The following AP5M1 variants were observed in gnomAD, a reference collection of about 807,000 sequenced individuals.
AP5M1 encodes the protein AP-5 complex subunit mu-1.
Under a neutral mutation model 52.3 loss-of-function variants are expected in AP5M1, and 44 were observed. The observed-to-expected ratio is 0.84, with a 90% CI of 0.66 to 1.08. The LOEUF (loss-of-function observed/expected upper bound fraction) is 1.08, where lower values mean the gene tolerates loss of function less well. Ranked by LOEUF, AP5M1 falls within the 50% of genes least tolerant of loss-of-function variation. The probability of loss-of-function intolerance (pLI) is 0.00; values close to 1 mark genes in which losing one functional copy is unlikely to be tolerated. For missense variants in AP5M1, 526 were observed against 568.4 expected (o/e 0.93, Z 0.76); for synonymous variants, 213 against 199.0 (o/e 1.07, Z -0.59).
At chr14:57,270,055 G>T (rs1338048521) in intron 1 of AP5M1, among the ~76,000 whole-genome samples, 1 of 152,124 alleles carries the variant, frequency 6.6e-6, no homozygotes, top group African/African-American at 2.4e-5. Flanking sequence ...TGATCCGCCC[G>T]CCTTGGCTCT....
At chr14:57,272,384 T>C (rs1884915916) in intron 1 of AP5M1, among the ~76,000 whole-genome samples, 1 of 152,242 alleles carries the variant, frequency 6.6e-6, no homozygotes, top group Non-Finnish European at 1.5e-5. Flanking sequence ...ATCTAAGTAC[T>C]TATTTCCTAT....
intron 6 of AP5M1, among the ~76,000 whole-genome samples, chr14:57,283,799 A>C (rs1294504765): frequency 6.6e-6 from 1 of 152,162 alleles, no homozygotes; most frequent in Non-Finnish European, 1.5e-5. Flanking sequence ...CAGCCTGGCC[A>C]ACATGGTGAG....
At chr14:57,279,362 A>T (rs1885117691) in intron 2 of AP5M1, among the ~76,000 whole-genome samples, 1 of 152,236 alleles carries the variant, frequency 6.6e-6, no homozygotes, top group Admixed American at 6.5e-5. Context: ...AAAAGGAATG[A>T]GATCATGTCC....
At chr14:57,272,638 T>C (rs1490238077) in intron 1 of AP5M1, among the ~76,000 whole-genome samples, 2 of 152,196 alleles carry the variant, frequency 1.3e-5, no homozygotes, top group Non-Finnish European at 2.9e-5. Flanking sequence ...TCACAGTCAA[T>C]TGTGAAATTT....
At chr14:57,273,755 G>C (rs747672578) in intron 1 of AP5M1, 1 of 701,754 alleles carries the variant, frequency 1.4e-6, no homozygotes, top group South Asian at 1.5e-5. Flanking sequence ...TATAAGTTAA[G>C]TAGAATAGAA....
chr14:57,274,452 C>T lies in AP5M1; in HGVS notation c.283C>T (p.Pro95Ser), dbSNP rs778513707. Residue 95 changes from proline (P) to serine (S), a missense_variant, in exon 2 of 8, where the codon CCA becomes TCA. This residue lies in a region of AP5M1 where 425 missense variants were observed against 430.6 expected (regional missense o/e 0.99). Transcript: ENST00000261558. ...GLLIGGEELW[P>S]VVAFLKNDMI... is the part of the protein sequence containing the mutation. ...CCTGATAGGAGGTGAAGAACTCTGG[C>T]CAGTTGTTGCTTTTCTGAAGAATGA... 1 of 1,614,122 alleles carries T rather than the reference C, an allele frequency of 6.2e-7. No homozygotes were observed. Among genetic ancestry groups the T allele is most frequent in the South Asian group, 1.1e-5 (1 of 91,068 alleles).
At position 57,274,405 on chromosome 14, in the gene AP5M1, A is replaced by G. The variant is rs759386854; in HGVS notation, c.236A>G (p.Asn79Ser). ...AGTCGTGATAGCTGTTCACGCATCA[A>G]TAAAACATCCATTTATGGACTCCTG... Reference protein sequence around the residue: ...VESRDSCSRINKTSIYGLLIG... With the variant: ...VESRDSCSRISKTSIYGLLIG... Residue 79 changes from asparagine to serine, a missense_variant, in exon 2 of 8, where the codon AAT (asparagine) becomes AGT (serine). Transcript: ENST00000261558. 9 of 1,614,222 alleles carry G rather than the reference A, an allele frequency of 5.6e-6. No homozygotes were observed. The highest frequency in any genetic ancestry group is 1.6e-4 in the Middle Eastern group (1 of 6,062).
chr14:57,269,714 T>C (rs1220601619), intron 1 of AP5M1, among the ~76,000 whole-genome samples: 1 of 152,252 alleles, frequency 6.6e-6, no homozygotes, highest in Non-Finnish European at 1.5e-5. Context: ...ACTAAACATT[T>C]TCAGATTTTT....
intron 2 of AP5M1, 98 bp downstream of exon 2, chr14:57,274,987 A>G (rs1019435797): frequency 7.1e-7 from 1 of 1,407,570 alleles, no homozygotes; most frequent in African/African-American, 1.4e-5. Context: ...TTTTATTTTC[A>G]TCTTAAGCAG....
intron 4 of AP5M1, among the ~76,000 whole-genome samples, chr14:57,282,434 A>G (rs1233669508): frequency 6.6e-6 from 1 of 152,154 alleles, no homozygotes; most frequent in Non-Finnish European, 1.5e-5. Context: ...TAAACTTACT[A>G]GTAAATTATA....
rs766342082 is a variant in AP5M1, at chr14:57,282,199, C to A, written c.1059C>A (p.Phe353Leu). 8.9e-6 allele frequency: 14 copies of A among 1,570,116 alleles called. No individual in the cohort carries two copies. The East Asian group carries it at 3.0e-4, about 34-fold the overall frequency. Reference sequence around the variant, plus strand: ...AAAGTGTGAAAAATAATTTTGAATTCTGTGAAGCCCATATACCTTTTTACA... The same window carrying A: ...AAAGTGTGAAAAATAATTTTGAATTATGTGAAGCCCATATACCTTTTTACA... The part of the protein sequence containing the change: ...LHESVKNNFE[F>L]CEAHIPFYNR... The change falls in exon 4 of 8, where the codon TTC (phenylalanine) becomes TTA (leucine). Residue 353 changes from phenylalanine (F) to leucine (L), a missense_variant. Around this residue, in one of 3 missense-constraint regions of AP5M1, gnomAD observed 425 missense variants for 430.6 expected, o/e 0.99. Transcript: ENST00000261558.
At position 57,274,328 on chromosome 14, in the gene AP5M1, A is replaced by G. The variant is rs1197523664; in HGVS notation, c.159A>G (p.Lys53=). 1 of 1,614,208 alleles carries G rather than the reference A, an allele frequency of 6.2e-7. No homozygotes were observed. The highest frequency in any genetic ancestry group is 1.1e-5 in the South Asian group (1 of 91,068). Residue 53 remains lysine, a synonymous_variant, in exon 2 of 8, where the codon AAA becomes AAG. Transcript: ENST00000261558. ...VPVPEDGPFL[K]ALLFELRLLD... ...TTCCTGAAGATGGTCCCTTTCTTAA[A>G]GCACTGCTCTTTGAACTTAGATTAT...
chr14:57,278,473 C>A (rs1355071389), intron 2 of AP5M1: 3 of 152,208 alleles, frequency 2.0e-5, no homozygotes, highest in Admixed American at 2.0e-4. Flanking sequence ...GCTGTCCTGT[C>A]TGGCTTCAAA....
intron 3 of AP5M1, among the ~76,000 whole-genome samples, chr14:57,281,170 T>C (rs547055176): frequency 3.3e-5 from 5 of 152,320 alleles, no homozygotes; most frequent in African/African-American, 7.2e-5. Flanking sequence ...GTAGTACTGC[T>C]AACAACCTTT....
At position 57,280,301 on chromosome 14, in the gene AP5M1, A is replaced by T. The variant is rs778696310; in HGVS notation, c.827A>T (p.Asp276Val). The change falls in exon 3 of 8, where the codon GAC (aspartate) becomes GTC (valine). Residue 276 changes from aspartate (D) to valine (V), a missense_variant. By Grantham distance (152) the Asp-to-Val change is radical. Coordinates refer to ENST00000261558, the MANE Select transcript of AP5M1 (RefSeq NM_018229.4). ...GTTCACCCTTGTGTAACTTCTCTTG[A>T]CTCTGCAATTCTGACTTCTAGTAGT... ...ILVHPCVTSL[D>V]SAILTSSSID... is the part of the protein sequence containing the mutation. 1 of 1,613,660 alleles carries T rather than the reference A, an allele frequency of 6.2e-7. No homozygotes were observed. The highest frequency in any genetic ancestry group is 2.2e-5 in the East Asian group (1 of 44,832).
At position 57,286,286 on chromosome 14, in the gene AP5M1, G is replaced by A. The variant is rs765899996; in HGVS notation, c.1357G>A (p.Val453Ile). 7.3e-5 allele frequency: 118 copies of A among 1,613,000 alleles called. No homozygotes were observed. The East Asian group carries it at 1.9e-3, about 25-fold the overall frequency. Residue 453 changes from valine (V) to isoleucine (I), a missense_variant, in exon 7 of 8, where the codon GTT becomes ATT. This residue lies in a region of AP5M1 where 97 missense variants were observed against 121.3 expected (regional missense o/e 0.80). Transcript: ENST00000261558. Reference protein sequence around the residue: ...GCYADQHSVQVFASGKPKISA... With the variant: ...GCYADQHSVQIFASGKPKISA... ...TTATGCAGATCAGCATTCAGTTCAA[G>A]TTTTTGCATCAGGAAAACCAAAAAT...
intron 7 of AP5M1, among the ~76,000 whole-genome samples, chr14:57,287,174 AAGG>A (rs1253471164): frequency 6.6e-6 from 1 of 152,142 alleles, no homozygotes; most frequent in Non-Finnish European, 1.5e-5. Flanking sequence ...CTCATACATT[AAGG>A]AGAATAAAGC....
intron 3 of AP5M1, 106 bp downstream of exon 3, chr14:57,280,528 A>G (rs989785136): frequency 1.2e-5 from 9 of 780,248 alleles, no homozygotes; most frequent in South Asian, 5.3e-5. Flanking sequence ...AAAAAGTTCT[A>G]TTTATCAGAC....
intron 1 of AP5M1, among the ~76,000 whole-genome samples, chr14:57,270,279 C>G (rs1884855390): frequency 6.6e-6 from 1 of 152,138 alleles, no homozygotes; most frequent in South Asian, 2.1e-4. Flanking sequence ...CAAAATAGCT[C>G]TGTTAAGGGA....
Sources: gnomAD v4.1 joint callset for allele counts (sites outside exome capture counted in the v4.1 genomes callset) on GRCh38, gnomAD v4.1.1 for gene constraint, gnomAD v4.1.1 regional missense constraint, MANE v1.5 for transcripts, NCBI Gene and HGNC (gene_info 2026-07-23, HGNC 2026-07-21) for gene names.